The following UBE2F variants were observed in gnomAD, a reference collection of about 807,000 sequenced individuals.
The protein encoded by UBE2F is ubiquitin conjugating enzyme E2 F (putative), also known as NEDD8-conjugating enzyme UBE2F.
UBE2F carries 5 observed loss-of-function variants against 29.6 expected under a neutral mutation model. The ratio of observed to expected loss-of-function variants is 0.17; its 90% CI spans 0.09 to 0.36. The LOEUF (loss-of-function observed/expected upper bound fraction) is 0.36, where lower values mean the gene tolerates loss of function less well. UBE2F is among the 10% of genes least tolerant of loss of function. UBE2F has a pLI of 1.00. For missense variants in UBE2F, 141 were observed against 228.5 expected (o/e 0.62, Z 2.47); for synonymous variants, 66 against 81.8 (o/e 0.81, Z 1.04).
chr2:238,031,166 C>A (rs2064566985), intron 7 of UBE2F, among the ~76,000 whole-genome samples: 1 of 152,224 alleles, frequency 6.6e-6, no homozygotes, highest in Non-Finnish European at 1.5e-5. Flanking sequence ...CCACCATGGG[C>A]AGCCCACCCA....
chr2:237,973,278 G>C, intron 2 of UBE2F, 53 bp downstream of exon 2: 1 of 1,583,578 alleles, frequency 6.3e-7, no homozygotes, highest in South Asian at 1.1e-5. Flanking sequence ...AAGGAAGTTT[G>C]ACTGGAGAGT....
chr2:238,006,009 C>T (rs1475855094), intron 4 of UBE2F, among the ~76,000 whole-genome samples: 2 of 152,084 alleles, frequency 1.3e-5, no homozygotes, highest in Non-Finnish European at 2.9e-5. Flanking sequence ...GGGAGAATTG[C>T]TGTGTTTGTT....
intron 1 of UBE2F, among the ~76,000 whole-genome samples, chr2:237,972,203 T>C (rs994350144): frequency 6.6e-6 from 1 of 152,198 alleles, no homozygotes; most frequent in Non-Finnish European, 1.5e-5. Context: ...CATGAATAAA[T>C]GAGAAGATGC....
At chr2:237,991,727 T>A (rs556746134) in intron 3 of UBE2F, among the ~76,000 whole-genome samples, 14 of 150,816 alleles carry the variant, frequency 9.3e-5, no homozygotes, top group African/African-American at 3.4e-4. Flanking sequence ...CTCAGCCTCC[T>A]GAGTAGCTGG....
intron 4 of UBE2F, among the ~76,000 whole-genome samples, chr2:238,010,233 G>C (rs368397447): frequency 6.6e-6 from 1 of 151,900 alleles, no homozygotes. Context: ...GAGTGCAGTG[G>C]CACAATCTTG....
At chr2:238,019,099 T>C (rs943719463) in intron 5 of UBE2F, among the ~76,000 whole-genome samples, 14 of 152,162 alleles carry the variant, frequency 9.2e-5, no homozygotes, top group Admixed American at 5.9e-4. Context: ...CCACTACTAG[T>C]CCCTGTGGGG....
intron 4 of UBE2F, among the ~76,000 whole-genome samples, chr2:237,998,662 T>C (rs2063734111): frequency 6.6e-6 from 1 of 152,046 alleles, no homozygotes; most frequent in Non-Finnish European, 1.5e-5. Flanking sequence ...TTCCTTTCTC[T>C]TTAATTCTAC....
At position 237,973,160 on chromosome 2, in the gene UBE2F, G is replaced by A. The variant is rs146845147; in HGVS notation, c.53G>A (p.Arg18Gln). 57 of 1,613,920 alleles carry A rather than the reference G, an allele frequency of 3.5e-5. No homozygotes were observed. The highest frequency in any genetic ancestry group is 1.1e-4 in the East Asian group (5 of 44,880). ...LKRDDGLKGS[R>Q]TAATASDSTR... ...CGTGACGATGGTCTCAAAGGGTCCC[G>A]GACGGCAGCCACAGCGTCCGACTCG... The change falls in exon 2 of 10, where the codon CGG becomes CAG. Residue 18 changes from arginine to glutamine, a missense_variant. Physicochemically the swap from Arg to Gln is conservative, Grantham distance 43 (BLOSUM62 1). Transcript: ENST00000272930.
chr2:238,010,095 CT>C (rs1169868990), intron 4 of UBE2F, among the ~76,000 whole-genome samples: 1 of 151,958 alleles, frequency 6.6e-6, no homozygotes, highest in Non-Finnish European at 1.5e-5. Context: ...CATTTTTATG[CT>C]TTTAAGTATT....
At chr2:237,975,642 G>A (rs560344729) in intron 2 of UBE2F, among the ~76,000 whole-genome samples, 1 of 152,226 alleles carries the variant, frequency 6.6e-6, no homozygotes, top group East Asian at 1.9e-4. Context: ...TGAGGGCACT[G>A]GGTTTGTGGG....
intron 4 of UBE2F, among the ~76,000 whole-genome samples, chr2:238,008,514 G>T (rs2063952759): frequency 6.6e-6 from 1 of 152,006 alleles, no homozygotes. Flanking sequence ...AGTTTGTGTT[G>T]TATCTCCTCT....
At chr2:238,002,464 T>C (rs1472221493) in intron 4 of UBE2F, among the ~76,000 whole-genome samples, 1 of 152,060 alleles carries the variant, frequency 6.6e-6, no homozygotes, top group Non-Finnish European at 1.5e-5. Context: ...CTCGACCTCC[T>C]GACCTCTGGT....
chr2:238,026,701 G>A (rs1349456310), intron 6 of UBE2F, among the ~76,000 whole-genome samples: 1 of 152,132 alleles, frequency 6.6e-6, no homozygotes, highest in African/African-American at 2.4e-5. Context: ...CTAGAGTGCT[G>A]GGGTTACAGG....
chr2:237,974,935 C>T (rs1354833341), intron 2 of UBE2F, among the ~76,000 whole-genome samples: 3 of 151,124 alleles, frequency 2.0e-5, no homozygotes, highest in African/African-American at 7.3e-5. Context: ...AAGTGTGAGC[C>T]ACTGTGCCCG....
intron 4 of UBE2F, among the ~76,000 whole-genome samples, chr2:238,007,939 A>T (rs1432607846): frequency 6.6e-6 from 1 of 152,008 alleles, no homozygotes; most frequent in East Asian, 1.9e-4. Context: ...AGTTTGTGTA[A>T]AATTAGTATT....
At chr2:238,018,827 T>G (rs943853545) in intron 5 of UBE2F, among the ~76,000 whole-genome samples, 3 of 152,230 alleles carry the variant, frequency 2.0e-5, no homozygotes, top group Admixed American at 2.0e-4. Context: ...GCTGCCCAGC[T>G]TTTAAGCGTG....
At chr2:238,026,401 A>G (rs923501620) in intron 6 of UBE2F, among the ~76,000 whole-genome samples, 1 of 152,156 alleles carries the variant, frequency 6.6e-6, no homozygotes. Context: ...GGAAATGTGT[A>G]AACTGTGGCT....
intron 6 of UBE2F, among the ~76,000 whole-genome samples, chr2:238,028,370 T>A (rs1408074628): frequency 6.6e-6 from 1 of 152,268 alleles, no homozygotes; most frequent in Non-Finnish European, 1.5e-5. Context: ...ATTCCCTGCT[T>A]TTATGGATGA....
chr2:238,006,260 G>A (rs892719326), intron 4 of UBE2F, among the ~76,000 whole-genome samples: 2 of 152,150 alleles, frequency 1.3e-5, no homozygotes, highest in Non-Finnish European at 2.9e-5. Context: ...TGAACTAACA[G>A]TAAAAACTCA....
Sources: allele counts gnomAD v4.1 joint callset (sites outside exome capture counted in the v4.1 genomes callset), GRCh38; gene constraint gnomAD v4.1.1; transcripts MANE v1.5; gene names NCBI Gene and HGNC (gene_info 2026-07-23, HGNC 2026-07-21).